The following PIGH variants were observed in gnomAD, a reference collection of about 807,000 sequenced individuals.
The protein encoded by PIGH is phosphatidylinositol glycan anchor biosynthesis class H, also known as phosphatidylinositol N-acetylglucosaminyltransferase subunit H.
In PIGH, 11 loss-of-function variants were observed where a neutral mutation model predicts 20.1. That is an observed-to-expected ratio of 0.55 (90% CI 0.34 to 0.91). PIGH has a LOEUF of 0.91. PIGH is among the 40% of genes least tolerant of loss of function. The pLI, the probability that PIGH is intolerant of heterozygous loss-of-function variation, is 0.02. For missense variants in PIGH, 189 were observed against 233.6 expected, an observed-to-expected ratio of 0.81 and a Z score of 1.24; for synonymous variants, 72 against 93.1, an observed-to-expected ratio of 0.77 and a Z score of 1.31.
At chr14:67,598,247 A>T (rs571546229) in intron 1 of PIGH, among the ~76,000 whole-genome samples, 1 of 152,302 alleles carries the variant, frequency 6.6e-6, no homozygotes, top group African/African-American at 2.4e-5. Flanking sequence ...GTAGAGTTTA[A>T]AGGAAGATGC....
At chr14:67,598,810 A>G (rs2036520619) in intron 1 of PIGH, among the ~76,000 whole-genome samples, 1 of 151,020 alleles carries the variant, frequency 6.6e-6, no homozygotes, top group Non-Finnish European at 1.5e-5. Flanking sequence ...CCCAGGTTCA[A>G]GCGATTCTCC....
At position 67,589,639 on chromosome 14, in the gene PIGH, C is replaced by T. The variant is rs908740467; in HGVS notation, c.*441G>A. On this transcript the variant is annotated 3_prime_UTR_variant, in exon 4 of 4. Transcript: ENST00000216452. ...ACTCGTCTTTTGTAGGACATTTCTT[C>T]CTGCTAACCAGTACTGAAGGGCTTG... 7.6e-5 allele frequency: 75 copies of T among 986,244 alleles called. No homozygotes were observed. Among genetic ancestry groups the T allele is most frequent in the Non-Finnish European group, 8.8e-5 (73 of 830,518 alleles). The allele number at this position is 986,244 out of a possible 1,614,324, so 61.1% of individuals were successfully genotyped here.
At position 67,593,960 on chromosome 14, in the gene PIGH, G is replaced by C. The variant is rs2036423871; in HGVS notation, c.181-8C>G. 6.3e-7 allele frequency: 1 copy of C among 1,595,704 alleles called. No homozygotes were observed. The highest frequency in any genetic ancestry group is 2.2e-5 in the East Asian group (1 of 44,622). On this transcript the variant is annotated splice_region_variant and splice_polypyrimidine_tract_variant and intron_variant, in intron 1 of 3. Transcript: ENST00000216452. ...AGAGAGGATCATGCTGTTCTGAAGA[G>C]AGAGCCAGACACAGACAGTAAGATT...
At chr14:67,592,990 T>C (rs1347509006) in intron 2 of PIGH, among the ~76,000 whole-genome samples, 1 of 152,142 alleles carries the variant, frequency 6.6e-6, no homozygotes, top group Non-Finnish European at 1.5e-5. Context: ...TTTCACCATG[T>C]TGGTCAGGCT....
chr14:67,596,376 G>A (rs2036475315), intron 1 of PIGH, among the ~76,000 whole-genome samples: 1 of 137,572 alleles, frequency 7.3e-6, no homozygotes, highest in African/African-American at 2.7e-5. Context: ...CCTGACCTCA[G>A]GCAATCCACC....
At chr14:67,599,728 G>A (rs1174073088) in intron 1 of PIGH, among the ~76,000 whole-genome samples, 1 of 152,176 alleles carries the variant, frequency 6.6e-6, no homozygotes, top group Non-Finnish European at 1.5e-5. Context: ...AGAACACATG[G>A]CAGTTAAAGT....
At chr14:67,593,391 T>A in intron 2 of PIGH, 1 of 262,056 alleles carries the variant, frequency 3.8e-6, no homozygotes, top group Non-Finnish European at 7.4e-6. Context: ...CTCAGGAGGC[T>A]GAGGTGGGAG....
chr14:67,596,878 T>C (rs1397661318), intron 1 of PIGH, among the ~76,000 whole-genome samples: 1 of 152,224 alleles, frequency 6.6e-6, no homozygotes, highest in East Asian at 1.9e-4. Context: ...CTGAGGAAAT[T>C]TGGAAGTCTA....
chr14:67,598,273 G>A (rs186573421), intron 1 of PIGH, among the ~76,000 whole-genome samples: 7 of 152,220 alleles, frequency 4.6e-5, no homozygotes, highest in East Asian at 1.9e-4. Flanking sequence ...CTGATTCCTC[G>A]GGTACTTGAT....
intron 1 of PIGH, among the ~76,000 whole-genome samples, chr14:67,596,741 T>C (rs1055741359): frequency 1.3e-5 from 2 of 152,150 alleles, no homozygotes; most frequent in African/African-American, 4.8e-5. Context: ...TCAGCAAGAA[T>C]CCTGTCAAGT....
At chr14:67,590,947 A>T (rs946584162) in intron 3 of PIGH, among the ~76,000 whole-genome samples, 38 of 152,354 alleles carry the variant, frequency 2.5e-4, no homozygotes, top group African/African-American at 8.2e-4. Context: ...GTGCAGTTTA[A>T]TATGTAAATA....
chr14:67,597,590 C>T, intron 1 of PIGH, among the ~76,000 whole-genome samples: 1 of 151,838 alleles, frequency 6.6e-6, no homozygotes, highest in African/African-American at 2.4e-5. Flanking sequence ...TCTGATGATC[C>T]AGAAAGATCT....
chr14:67,593,466 G>T, intron 2 of PIGH: 1 of 360,364 alleles, frequency 2.8e-6, no homozygotes. Flanking sequence ...ACTCCAGCCT[G>T]GGCAACAGAG....
chr14:67,592,661 T>TC lies in PIGH; in HGVS notation c.447dup (p.Ile150AspfsTer20). The TC allele has an allele frequency of 1.2e-6, 2 of 1,607,382 alleles. No homozygotes were observed. The highest frequency in any genetic ancestry group is 1.7e-6 in the Non-Finnish European group (2 of 1,175,424). On this transcript the variant is annotated frameshift_variant, in exon 3 of 4. Coordinates refer to ENST00000216452, the MANE Select transcript of PIGH (RefSeq NM_004569.5). LOFTEE classifies it high-confidence loss of function. ...TGGAAGACGGGTACTACTTGGGATA[T>TC]CCCATGTGGTTCCACTGGATCTTTC...
At chr14:67,592,867 C>A in intron 2 of PIGH, 149 bp from the exon 3 acceptor site, 1 of 541,542 alleles carries the variant, frequency 1.8e-6, no homozygotes, top group South Asian at 2.2e-5. Flanking sequence ...CTCACTGCAA[C>A]CTCTACCTCC....
intron 2 of PIGH, chr14:67,592,924 T>C (rs2036402892): frequency 1.1e-5 from 5 of 445,778 alleles, no homozygotes; most frequent in Admixed American, 3.8e-5. Context: ...TAGCTGGGAT[T>C]ACAGGCGCTC....
chr14:67,589,984 G>A lies in PIGH; in HGVS notation c.*96C>T. 1 of 1,449,900 alleles carries A rather than the reference G, an allele frequency of 6.9e-7. No homozygotes were observed. The highest frequency in any genetic ancestry group is 9.1e-7 in the Non-Finnish European group (1 of 1,099,268). The allele number at this position is 1,449,900 out of a possible 1,614,324, so 89.8% of individuals were successfully genotyped here. A position where few individuals can be genotyped will look rare whatever the true frequency, so the allele number is the denominator to read the frequency against. On this transcript the variant is annotated 3_prime_UTR_variant, in exon 4 of 4. Coordinates refer to ENST00000216452, the MANE Select transcript of PIGH (RefSeq NM_004569.5). ...TACATCCATAATGGTTCCTAGGACTGTGTCCACCTGATGGTTTGGAGTACG... is the reference window on the plus strand; with the variant it reads ...TACATCCATAATGGTTCCTAGGACTATGTCCACCTGATGGTTTGGAGTACG...
intron 1 of PIGH, among the ~76,000 whole-genome samples, chr14:67,598,397 G>A (rs1167623222): frequency 6.6e-6 from 1 of 152,160 alleles, no homozygotes; most frequent in South Asian, 2.1e-4. Flanking sequence ...TGGTATAAAG[G>A]AAAAGAAAGG....
intron 1 of PIGH, among the ~76,000 whole-genome samples, chr14:67,599,572 C>G (rs1294916944): frequency 6.6e-6 from 1 of 152,166 alleles, no homozygotes; most frequent in Non-Finnish European, 1.5e-5. Context: ...AACACACACA[C>G]TTGTGGAGGC....
Sources: allele counts gnomAD v4.1 joint callset (sites outside exome capture counted in the v4.1 genomes callset), GRCh38; gene constraint gnomAD v4.1.1; transcripts MANE v1.5; gene names NCBI Gene and HGNC (gene_info 2026-07-23, HGNC 2026-07-21).